SLC45A4: variants seen among roughly 807,000 people sequenced by gnomAD.
SLC45A4 encodes the protein solute carrier family 45 member 4, also known as polyamine-transporter SLC45A4.
SLC45A4 carries 32 observed loss-of-function variants against 63.7 expected under a neutral mutation model. The ratio of observed to expected loss-of-function variants is 0.50; its 90% CI spans 0.38 to 0.67. SLC45A4 has a LOEUF of 0.67. Among genes scored for constraint, SLC45A4 ranks in the 30% least tolerant of loss-of-function variants. SLC45A4 has a pLI of 0.00. For missense variants in SLC45A4, 1,027 were observed against 1,157.7 expected, an observed-to-expected ratio of 0.89 and a Z score of 1.64; for synonymous variants, 535 against 510.0, an observed-to-expected ratio of 1.05 and a Z score of -0.66.
intron 5 of SLC45A4, among the ~76,000 whole-genome samples, chr8:141,217,724 C>T (rs943362989): frequency 6.6e-6 from 1 of 152,222 alleles, no homozygotes; most frequent in Non-Finnish European, 1.5e-5. Flanking sequence ...GGTAGTCTGA[C>T]ACACAGTAAC....
At chr8:141,291,959 CG>C (rs1830362435) in intron 1 of SLC45A4, among the ~76,000 whole-genome samples, 1 of 152,242 alleles carries the variant, frequency 6.6e-6, no homozygotes, top group South Asian at 2.1e-4. Flanking sequence ...TTCAAAGAAG[CG>C]GCTGGGACAC....
intron 1 of SLC45A4, among the ~76,000 whole-genome samples, chr8:141,291,474 A>AGG (rs200823763): frequency 1.3e-5 from 2 of 152,200 alleles, no homozygotes. Flanking sequence ...AAAACAAAAA[A>AGG]GGGGGGGCAA....
rs1828662488 is a variant in SLC45A4 at position 141,254,179 on chromosome 8, C to T, written c.51G>A (p.Glu17=). The T allele has an allele frequency of 7.8e-6, 12 of 1,536,084 alleles. No individual in the cohort carries two copies. The highest frequency in any genetic ancestry group is 1.0e-5 in the Non-Finnish European group (12 of 1,146,882). The change falls in exon 2 of 9, where the codon GAG becomes GAA. Residue 17 remains glutamate (E), a synonymous_variant. Coordinates refer to ENST00000517878, the MANE Select transcript of SLC45A4 (RefSeq NM_001286646.2). This position sits in a 1 kb window ranked among gnomAD's most constrained non-coding sequence, Gnocchi z 4.5. ...NADPESMQVQ[E]LSVPLPDPQK... ...GCGGGTCCGGCAGGGGCACGGATAACTCTTGAACTTGCATAGATTCCGGGT... is the reference window on the plus strand; with the variant it reads ...GCGGGTCCGGCAGGGGCACGGATAATTCTTGAACTTGCATAGATTCCGGGT...
At chr8:141,273,537 C>T (rs960069454) in intron 1 of SLC45A4, among the ~76,000 whole-genome samples, 3 of 152,000 alleles carry the variant, frequency 2.0e-5, no homozygotes, top group South Asian at 4.1e-4. Context: ...AGAGGCAGGT[C>T]GCGTGTTCCT....
At chr8:141,265,688 C>A (rs1563658943) in intron 1 of SLC45A4, among the ~76,000 whole-genome samples, 1 of 152,208 alleles carries the variant, frequency 6.6e-6, no homozygotes, top group East Asian at 1.9e-4. Context: ...ATCCTGTACC[C>A]CTGAGAGCTG....
chr8:141,297,082 C>G (rs1830582772), intron 1 of SLC45A4, among the ~76,000 whole-genome samples: 1 of 152,152 alleles, frequency 6.6e-6, no homozygotes, highest in Admixed American at 6.5e-5. Context: ...GAGTCCCCCC[C>G]AGGTTTGCCA....
At chr8:141,286,468 C>T (rs58151683) in intron 1 of SLC45A4, among the ~76,000 whole-genome samples, 4,026 of 152,304 alleles carry the variant, frequency 0.026, 76 homozygotes, top group Middle Eastern at 0.088. Flanking sequence ...TTTACCCACA[C>T]GCCCTACTTA....
Position 141,218,053 on chromosome 8 carries a change from G to A in SLC45A4, c.1587C>T (p.Tyr529=), listed in dbSNP as rs1399640516. 6.2e-7 allele frequency: 1 copy of A among 1,612,544 alleles called. No homozygotes were observed. Residue 529 remains tyrosine, a synonymous_variant, in exon 5 of 9, where the codon TAC becomes TAT. Coordinates refer to ENST00000517878, the MANE Select transcript of SLC45A4 (RefSeq NM_001286646.2). ...AGATGACCTGGCCCATGAAGTCGGT[G>A]TAGAACACGGCCTCGGCGATGACAG... is the stretch of plus-strand genomic sequence containing the variant. ...WFSVIAEAVF[Y]TDFMGQVIFE... is the part of the protein sequence containing the mutation.
intron 2 of SLC45A4, among the ~76,000 whole-genome samples, chr8:141,232,184 G>A (rs548639078): frequency 1.3e-5 from 2 of 152,312 alleles, no homozygotes; most frequent in South Asian, 4.1e-4. Context: ...GAGGGGGCGG[G>A]GGAACCCCCC....
At chr8:141,291,580 T>TA (rs1830349363) in intron 1 of SLC45A4, among the ~76,000 whole-genome samples, 1 of 152,236 alleles carries the variant, frequency 6.6e-6, no homozygotes, top group African/African-American at 2.4e-5. Context: ...ATCAAACACG[T>TA]ACTTGGTGAT....
intron 1 of SLC45A4, among the ~76,000 whole-genome samples, chr8:141,296,539 T>TAAAATTA (rs1554604577): frequency 1.4e-4 from 18 of 129,366 alleles, no homozygotes; most frequent in East Asian, 7.8e-4. Flanking sequence ...AAATTAAAAT[T>TAAAATTA]AAAAAAAAAA....
chr8:141,303,203 T>C (rs1315970554), intron 1 of SLC45A4, among the ~76,000 whole-genome samples: 1 of 151,922 alleles, frequency 6.6e-6, no homozygotes, highest in Admixed American at 6.6e-5. Flanking sequence ...TGCCATGTTG[T>C]CCATGCTGGT....
chr8:141,219,085 A>C, intron 4 of SLC45A4, 56 bp from the exon 5 acceptor site: 3 of 1,560,280 alleles, frequency 1.9e-6, no homozygotes, highest in South Asian at 2.4e-5. Flanking sequence ...ACAGGGGGGG[A>C]AGCTCTGGGA....
At chr8:141,251,663 G>A (rs1236976125) in intron 2 of SLC45A4, among the ~76,000 whole-genome samples, 1 of 151,958 alleles carries the variant, frequency 6.6e-6, no homozygotes, top group Admixed American at 6.6e-5. Flanking sequence ...CAGGTCCTCT[G>A]GCCTTCTCAT....
intron 8 of SLC45A4, 60 bp downstream of exon 8, chr8:141,212,137 C>T (rs923786610): frequency 1.2e-5 from 13 of 1,114,222 alleles, no homozygotes; most frequent in East Asian, 4.4e-5. Flanking sequence ...CTGGCCCCGC[C>T]GCCCGCCCGC....
chr8:141,307,644 T>C (rs998037030), intron 1 of SLC45A4, among the ~76,000 whole-genome samples: 2 of 151,686 alleles, frequency 1.3e-5, no homozygotes, highest in Non-Finnish European at 2.9e-5. Flanking sequence ...TCTCATAAGT[T>C]AGAGATAGCA....
rs370183368 is a variant in SLC45A4 at position 141,208,676 on chromosome 8, A to C, written c.*2896T>G. 5.9e-5 allele frequency: 9 copies of C among 152,282 alleles called. No individual in the cohort carries two copies. The highest frequency in any genetic ancestry group is 1.9e-4 in the African/African-American group (8 of 41,456). 9.4% of individuals were successfully genotyped at this position (152,282 alleles called of 1,614,324 possible). On this transcript the variant is annotated 3_prime_UTR_variant, in exon 9 of 9. Transcript: ENST00000517878. ...GTGAGAAAAACAACACTCCAAAGCT[A>C]GCTCTTCAGCCACCAGGGAACGTCA... is the stretch of plus-strand genomic sequence containing the variant.
intron 1 of SLC45A4, among the ~76,000 whole-genome samples, chr8:141,291,066 C>T (rs1830330157): frequency 6.6e-6 from 1 of 152,200 alleles, no homozygotes; most frequent in Non-Finnish European, 1.5e-5. Context: ...CCAGGCTGGT[C>T]TCAAACTCCT....
At chr8:141,252,429 G>A (rs899398473) in intron 2 of SLC45A4, 1 of 156,984 alleles carries the variant, frequency 6.4e-6, no homozygotes, top group Non-Finnish European at 1.4e-5. Flanking sequence ...ACGCCCACCT[G>A]CGTGTCTGTG....
Sources: allele counts gnomAD v4.1 joint callset (sites outside exome capture counted in the v4.1 genomes callset), GRCh38; gene constraint gnomAD v4.1.1; non-coding constraint Gnocchi (gnomAD v3.1); transcripts MANE v1.5; gene names NCBI Gene and HGNC (gene_info 2026-07-23, HGNC 2026-07-21).